RANBP2: variants seen among roughly 807,000 people sequenced by gnomAD.
The protein encoded by RANBP2 is RAN binding protein 2.
RANBP2 carries 57 observed loss-of-function variants against 303.6 expected under a neutral mutation model. That is an observed-to-expected ratio of 0.19 (90% CI 0.15 to 0.23). RANBP2 has a LOEUF of 0.23. Ranked by LOEUF, RANBP2 falls within the 10% of genes least tolerant of loss-of-function variation. The pLI is 1.00. For missense variants in RANBP2, 3,138 were observed against 3,780.8 expected (o/e 0.83, Z 4.46); for synonymous variants, 1,167 against 1,301.5 (o/e 0.90, Z 2.23).
At chr2:109,403,204 C>A in the RANBP2 span, among the ~76,000 whole-genome samples, 1 of 152,232 alleles carries the variant, frequency 6.6e-6, no homozygotes, top group Admixed American at 6.5e-5. Context: ...AGCCTGGGAG[C>A]ACAGCCTGAG....
the RANBP2 span, among the ~76,000 whole-genome samples, chr2:109,218,015 A>G: frequency 6.6e-6 from 1 of 152,142 alleles, no homozygotes; most frequent in East Asian, 1.9e-4. Context: ...GTTTGCTTGG[A>G]TGGAACCAGG....
At chr2:109,018,897 A>G in the RANBP2 span, among the ~76,000 whole-genome samples, 183 of 152,372 alleles carry the variant, frequency 1.2e-3, 1 homozygote, top group African/African-American at 4.1e-3. Flanking sequence ...GTGTTTGCTC[A>G]CCACTGATCG....
At chr2:109,252,833 A>G in the RANBP2 span, among the ~76,000 whole-genome samples, 4 of 152,186 alleles carry the variant, frequency 2.6e-5, no homozygotes, top group Non-Finnish European at 5.9e-5. Flanking sequence ...CTTGAAAGTG[A>G]AAAACACTGG....
the RANBP2 span, among the ~76,000 whole-genome samples, chr2:109,214,156 C>T: frequency 6.6e-6 from 1 of 152,120 alleles, no homozygotes; most frequent in Non-Finnish European, 1.5e-5. Context: ...GTAGGGGCCT[C>T]AGCAGGCTGT....
the RANBP2 span, among the ~76,000 whole-genome samples, chr2:109,194,182 C>T: frequency 6.6e-6 from 1 of 152,234 alleles, no homozygotes; most frequent in African/African-American, 2.4e-5. Flanking sequence ...TGGTTGGAAT[C>T]CCTGAAACAG....
chr2:108,913,967 A>AAAAAAAAT, the RANBP2 span, among the ~76,000 whole-genome samples: 1 of 148,740 alleles, frequency 6.7e-6, no homozygotes, highest in South Asian at 2.1e-4. Context: ...AAAAAAAAAA[A>AAAAAAAAT]TCTAGAAAAG....
chr2:109,587,925 C>A, the RANBP2 span, among the ~76,000 whole-genome samples: 2 of 148,142 alleles, frequency 1.4e-5, no homozygotes, highest in Non-Finnish European at 3.0e-5. Flanking sequence ...AAAAAAAAAA[C>A]AAAAACAAAC....
the RANBP2 span, among the ~76,000 whole-genome samples, chr2:109,172,300 C>T: frequency 6.6e-6 from 1 of 152,372 alleles, no homozygotes; most frequent in African/African-American, 2.4e-5. Flanking sequence ...TGTTTCTCTC[C>T]TGACAAGGAC....
the RANBP2 span, among the ~76,000 whole-genome samples, chr2:109,451,508 C>A: frequency 3.3e-5 from 5 of 152,182 alleles, no homozygotes; most frequent in Non-Finnish European, 7.3e-5. Flanking sequence ...TTCAATAATA[C>A]CATTGCTGAG....
the RANBP2 span, among the ~76,000 whole-genome samples, chr2:109,239,580 T>C: frequency 2.8e-3 from 420 of 152,312 alleles, 2 homozygotes; most frequent in African/African-American, 9.8e-3. Flanking sequence ...CACCATTGTT[T>C]GCACACACGA....
At chr2:108,923,273 C>T in the RANBP2 span, 1 of 1,208,470 alleles carries the variant, frequency 8.3e-7, no homozygotes, top group African/African-American at 1.5e-5. Flanking sequence ...TTCACCTTGT[C>T]CAGGTGCCAG....
At chr2:109,421,607 G>A in the RANBP2 span, among the ~76,000 whole-genome samples, 35 of 152,280 alleles carry the variant, frequency 2.3e-4, no homozygotes, top group African/African-American at 8.4e-4. Context: ...CTGCCCTGGG[G>A]GACAGGGTTG....
the RANBP2 span, among the ~76,000 whole-genome samples, chr2:109,389,021 C>T: frequency 6.6e-6 from 1 of 152,248 alleles, no homozygotes. Context: ...CCTCCAGCTA[C>T]ACCAGGAGCC....
At chr2:108,928,591 G>C in the RANBP2 span, among the ~76,000 whole-genome samples, 3 of 152,196 alleles carry the variant, frequency 2.0e-5, no homozygotes, top group Non-Finnish European at 4.4e-5. Flanking sequence ...TGGCCACTAG[G>C]GGGAGGAAGC....
the RANBP2 span, among the ~76,000 whole-genome samples, chr2:109,477,666 G>A: frequency 6.6e-6 from 1 of 152,100 alleles, no homozygotes; most frequent in Non-Finnish European, 1.5e-5. Context: ...TCAGCAACAG[G>A]AGTGATTTCC....
At chr2:109,126,871 T>C in the RANBP2 span, among the ~76,000 whole-genome samples, 1 of 152,246 alleles carries the variant, frequency 6.6e-6, no homozygotes, top group Admixed American at 6.5e-5. Context: ...CCTTGCTCTC[T>C]GTGAGCCCTT....
chr2:109,730,439 G>A, the RANBP2 span, among the ~76,000 whole-genome samples: 1 of 152,166 alleles, frequency 6.6e-6, no homozygotes, highest in East Asian at 1.9e-4. Flanking sequence ...TTCCTCCAGT[G>A]TCTCCATGAC....
At chr2:109,321,377 A>G in the RANBP2 span, among the ~76,000 whole-genome samples, 2 of 152,360 alleles carry the variant, frequency 1.3e-5, no homozygotes, top group South Asian at 2.1e-4. Context: ...GCCAAAGCCT[A>G]TGTGGATTAG....
Position 108,767,984 on chromosome 2 carries a change from T to G in RANBP2, c.7445T>G (p.Val2482Gly), listed in dbSNP as rs1162237720. 6.2e-7 allele frequency: 1 copy of G among 1,611,930 alleles called. No individual in the cohort carries two copies. The highest frequency in any genetic ancestry group is 1.1e-5 in the South Asian group (1 of 90,976). ...LEETTRERTD[V>G]IQGDDVADAT... The stretch of plus-strand genomic sequence containing the variant: ...GAAACCACAAGAGAGAGGACAGATG[T>G]TATTCAGGGTGATGATGTAGCAGAT... The change falls in exon 20 of 29, where the codon GTT becomes GGT. Residue 2482 changes from valine to glycine, a missense_variant. Physicochemically the swap from Val to Gly is moderately radical, Grantham distance 109. This residue lies in a region of RANBP2 where 497 missense variants were observed against 465.8 expected (regional missense o/e 1.07). Transcript: ENST00000283195.
Sources: gnomAD v4.1 joint callset for allele counts (sites outside exome capture counted in the v4.1 genomes callset) on GRCh38, gnomAD v4.1.1 for gene constraint, gnomAD v4.1.1 regional missense constraint, MANE v1.5 for transcripts, NCBI Gene and HGNC (gene_info 2026-07-23, HGNC 2026-07-21) for gene names.